Variants in RIC3 observed in about 807,000 individuals in gnomAD.
RIC3 encodes the protein protein RIC-3.
Under a neutral mutation model 27.3 loss-of-function variants are expected in RIC3, and 28 were observed. The observed-to-expected ratio is 1.02, with a 90% CI of 0.76 to 1.41. The LOEUF (loss-of-function observed/expected upper bound fraction) is 1.41. Ranked by LOEUF, RIC3 falls within the 40% of genes most tolerant of loss-of-function variation. RIC3 has a pLI of 0.00. For synonymous variants in RIC3, 184 were observed against 160.4 expected (o/e 1.15, Z -1.11); for missense variants, 501 against 444.7 (o/e 1.13, Z -1.14).
intron 4 of RIC3, among the ~76,000 whole-genome samples, chr11:8,127,951 A>G (rs1287325515): frequency 6.6e-6 from 1 of 152,148 alleles, no homozygotes; most frequent in Non-Finnish European, 1.5e-5. Context: ...ATTACCAGAG[A>G]CCTCAGTGAA....
the RIC3 span, chr11:8,100,816 G>A: frequency 8.1e-6 from 13 of 1,613,138 alleles, no homozygotes; most frequent in East Asian, 2.2e-5. Context: ...AGGTGAGGCT[G>A]CCCTCCCAGG....
chr11:8,153,918 T>C (rs893781562), intron 1 of RIC3, among the ~76,000 whole-genome samples: 2 of 152,158 alleles, frequency 1.3e-5, no homozygotes, highest in African/African-American at 4.8e-5. Flanking sequence ...CTTAAGACGG[T>C]AGGCAACAAT....
intron 5 of RIC3, among the ~76,000 whole-genome samples, chr11:8,117,091 C>T (rs531356289): frequency 9.9e-5 from 15 of 152,216 alleles, no homozygotes; most frequent in Non-Finnish European, 1.6e-4. Context: ...TTTTTGGAGA[C>T]GAGGTCTCAC....
chr11:8,165,867 C>T (rs1027883926), intron 1 of RIC3, among the ~76,000 whole-genome samples: 5 of 147,754 alleles, frequency 3.4e-5, no homozygotes, highest in African/African-American at 7.6e-5. Context: ...TAGCCTTGAC[C>T]TCCAAACTTC....
chr11:8,136,361 C>G (rs1200014636), intron 4 of RIC3, among the ~76,000 whole-genome samples: 1 of 152,158 alleles, frequency 6.6e-6, no homozygotes, highest in African/African-American at 2.4e-5. Context: ...GACATTTCAA[C>G]ACTTCCTTCT....
intron 5 of RIC3, among the ~76,000 whole-genome samples, chr11:8,112,459 A>G (rs2134054005): frequency 1.3e-5 from 2 of 151,990 alleles, no homozygotes; most frequent in East Asian, 3.9e-4. Flanking sequence ...ACACCTAGCT[A>G]ATTTTTTGTA....
At chr11:8,164,260 T>C (rs943783202) in intron 1 of RIC3, among the ~76,000 whole-genome samples, 4 of 152,184 alleles carry the variant, frequency 2.6e-5, no homozygotes, top group Non-Finnish European at 4.4e-5. Context: ...TTCATGACCT[T>C]GGATTTGGCA....
downstream of RIC3, chr11:8,104,640 C>G (rs1207413679): frequency 6.6e-6 from 1 of 152,232 alleles, no homozygotes; most frequent in African/African-American, 2.4e-5. Context: ...TCTCAGGGTT[C>G]TGAGTCAGAG....
intron 4 of RIC3, among the ~76,000 whole-genome samples, chr11:8,132,060 C>T (rs1391457222): frequency 6.6e-6 from 1 of 152,102 alleles, no homozygotes; most frequent in Non-Finnish European, 1.5e-5. Context: ...GTCCCACATA[C>T]ATAGTTGACA....
chr11:8,128,151 C>A (rs1590160420), intron 4 of RIC3: 2 of 456,402 alleles, frequency 4.4e-6, no homozygotes, highest in Admixed American at 2.4e-5. Context: ...TCCCACATAA[C>A]CCCTATTTCT....
chr11:8,095,794 C>T, the RIC3 span: 1 of 1,033,338 alleles, frequency 9.7e-7, no homozygotes, highest in East Asian at 2.6e-5. Flanking sequence ...GGGTGGGGCA[C>T]ACTTCGGAGA....
intron 4 of RIC3, among the ~76,000 whole-genome samples, chr11:8,134,311 C>T (rs1164072958): frequency 6.6e-6 from 1 of 152,178 alleles, no homozygotes; most frequent in African/African-American, 2.4e-5. Flanking sequence ...CATGTCCCTA[C>T]AAAGGACATG....
chr11:8,140,787 C>T (rs932939523), intron 1 of RIC3, among the ~76,000 whole-genome samples: 3 of 152,120 alleles, frequency 2.0e-5, no homozygotes, highest in African/African-American at 7.2e-5. Flanking sequence ...CAGTTAGCCA[C>T]CCCTAACTAA....
chr11:8,138,573 C>T (rs1470374699), intron 2 of RIC3: 11 of 479,638 alleles, frequency 2.3e-5, no homozygotes, highest in Non-Finnish European at 3.6e-5. Context: ...AGAGATTCCT[C>T]TTCAAAGAGA....
intron 1 of RIC3, among the ~76,000 whole-genome samples, chr11:8,157,081 T>C (rs1016761965): frequency 2.6e-5 from 4 of 152,164 alleles, no homozygotes; most frequent in Admixed American, 1.3e-4. Context: ...GTTCTCCTGT[T>C]ACACATAAGC....
chr11:8,097,240 G>T, the RIC3 span: 1 of 1,614,086 alleles, frequency 6.2e-7, no homozygotes, highest in Non-Finnish European at 8.5e-7. Context: ...GGCAGCCTCA[G>T]CCCCTAGCCC....
intron 4 of RIC3, 167 bp from the exon 5 acceptor site, chr11:8,126,974 G>T: frequency 1.3e-6 from 1 of 762,014 alleles, no homozygotes; most frequent in Non-Finnish European, 2.2e-6. Flanking sequence ...AGAGATGTTA[G>T]TTCAATGCTT....
intron 1 of RIC3, among the ~76,000 whole-genome samples, chr11:8,155,763 T>C (rs780724690): frequency 7.2e-5 from 11 of 152,260 alleles, no homozygotes; most frequent in Non-Finnish European, 1.5e-4. Flanking sequence ...ACTGGACATG[T>C]TTCTATTTTA....
At chr11:8,133,281 A>C (rs577691122) in intron 4 of RIC3, among the ~76,000 whole-genome samples, 64 of 152,328 alleles carry the variant, frequency 4.2e-4, no homozygotes, top group Admixed American at 3.5e-3. Flanking sequence ...CTGTGAGCTA[A>C]ATAAACCTCT....
Sources: allele counts gnomAD v4.1 joint callset (sites outside exome capture counted in the v4.1 genomes callset), GRCh38; gene constraint gnomAD v4.1.1; transcripts MANE v1.5; gene names NCBI Gene and HGNC (gene_info 2026-07-23, HGNC 2026-07-21).